Variants in DAAM1 observed in about 807,000 individuals in gnomAD.
DAAM1 encodes the protein dishevelled associated activator of morphogenesis 1, also known as disheveled-associated activator of morphogenesis 1.
DAAM1 carries 52 observed loss-of-function variants against 130.0 expected under a neutral mutation model. The observed-to-expected ratio is 0.40, with a 90% CI of 0.32 to 0.50. The LOEUF (loss-of-function observed/expected upper bound fraction) is 0.50, where lower values mean the gene tolerates loss of function less well. Among genes scored for constraint, DAAM1 ranks in the 20% least tolerant of loss-of-function variants. The pLI, the probability that DAAM1 is intolerant of heterozygous loss-of-function variation, is 0.61. For synonymous variants in DAAM1, 452 were observed against 444.5 expected, an observed-to-expected ratio of 1.02 and a Z score of -0.21; for missense variants, 1,134 against 1,303.8, an observed-to-expected ratio of 0.87 and a Z score of 2.01.
intron 1 of DAAM1, among the ~76,000 whole-genome samples, chr14:59,196,295 T>A (rs913145413): frequency 3.3e-5 from 5 of 152,196 alleles, no homozygotes; most frequent in Admixed American, 6.5e-5. Context: ...GATAGATTGT[T>A]CATATGTGCC....
chr14:59,214,185 A>G (rs753678709), intron 1 of DAAM1, among the ~76,000 whole-genome samples: 3 of 152,172 alleles, frequency 2.0e-5, no homozygotes, highest in Non-Finnish European at 2.9e-5. Flanking sequence ...GTGTCTGGTG[A>G]CAGTTTGCAA....
At position 59,368,593 on chromosome 14, in the gene DAAM1, C is replaced by T; in HGVS notation, c.2998-57C>T. ...TATTTCAAGGAATTGACCTCTACTG[C>T]AAACAAAATGCAACATTTTGACATG... is the stretch of plus-strand genomic sequence containing the variant. On this transcript the variant is annotated intron_variant, in intron 24 of 24. Transcript: ENST00000360909. The T allele has an allele frequency of 1.9e-6, 3 of 1,548,004 alleles. No individual in the cohort carries two copies. In the South Asian group the frequency reaches 3.6e-5, roughly 19 times the overall value.
chr14:59,360,653 GTCTT>G, intron 21 of DAAM1, 145 bp from the exon 22 acceptor site: 2 of 517,788 alleles, frequency 3.9e-6, no homozygotes, highest in South Asian at 5.0e-5. Flanking sequence ...AAATACTGTT[GTCTT>G]TCTTTGAGAT....
At chr14:59,308,915 C>T (rs927700060) in intron 3 of DAAM1, among the ~76,000 whole-genome samples, 1 of 152,038 alleles carries the variant, frequency 6.6e-6, no homozygotes, top group Non-Finnish European at 1.5e-5. Flanking sequence ...TGGGCCCAAC[C>T]GGATTTTGGT....
At chr14:59,193,784 G>A (rs1228165123) in intron 1 of DAAM1, among the ~76,000 whole-genome samples, 1 of 152,174 alleles carries the variant, frequency 6.6e-6, no homozygotes, top group Non-Finnish European at 1.5e-5. Flanking sequence ...CCCTCTGAGT[G>A]TCTGGATTAT....
chr14:59,288,860 A>AGAGAGAGAGAGAGAGAGAGG (rs1018804753), intron 2 of DAAM1, among the ~76,000 whole-genome samples: 1 of 144,002 alleles, frequency 6.9e-6, no homozygotes, highest in African/African-American at 2.5e-5. Flanking sequence ...AGAGAGAGAG[A>AGAGAGAGAGAGAGAGAGAGG]GCGCGCGAAG....
intron 16 of DAAM1, among the ~76,000 whole-genome samples, chr14:59,342,336 C>G (rs1430705155): frequency 6.6e-6 from 1 of 152,166 alleles, no homozygotes; most frequent in Non-Finnish European, 1.5e-5. Context: ...GTGCCCCGTC[C>G]TTTTGTGCTC....
At chr14:59,278,784 T>A (rs1883084147) in intron 2 of DAAM1, among the ~76,000 whole-genome samples, 1 of 152,208 alleles carries the variant, frequency 6.6e-6, no homozygotes, top group African/African-American at 2.4e-5. Flanking sequence ...GGAAGTGATC[T>A]TTGATTTCAA....
chr14:59,210,415 A>C (rs1165171336), intron 1 of DAAM1, among the ~76,000 whole-genome samples: 1 of 152,202 alleles, frequency 6.6e-6, no homozygotes, highest in Non-Finnish European at 1.5e-5. Context: ...TTATCTGTTT[A>C]AATCTCAATG....
At chr14:59,328,357 A>G (rs1885289195) in intron 12 of DAAM1, among the ~76,000 whole-genome samples, 1 of 152,258 alleles carries the variant, frequency 6.6e-6, no homozygotes, top group Admixed American at 6.5e-5. Context: ...AAATCAGGGT[A>G]AAGAGATTAA....
chr14:59,246,440 A>C (rs941682588), intron 1 of DAAM1, among the ~76,000 whole-genome samples: 1 of 152,006 alleles, frequency 6.6e-6, no homozygotes, highest in East Asian at 1.9e-4. Context: ...ACCACATTTT[A>C]TTTATTTATC....
chr14:59,315,588 A>G lies in DAAM1; in HGVS notation c.345+237A>G, dbSNP rs149644618. Among the ~76,000 whole-genome samples, 120 of 152,330 alleles carry G rather than the reference A, an allele frequency of 7.9e-4. 1 individual carries two copies. In the South Asian group the frequency reaches 0.013, roughly 17 times the overall value. On this transcript the variant is annotated intron_variant, in intron 4 of 24. Transcript: ENST00000360909. Reference sequence around the variant, plus strand: ...CACACACTGCAATATAATTGAGTTTAATGTTGTAAGTGAAAATGTAGTTTG... The same window carrying G: ...CACACACTGCAATATAATTGAGTTTGATGTTGTAAGTGAAAATGTAGTTTG...
At position 59,370,228 on chromosome 14, in the gene DAAM1, A is replaced by C. The variant is rs78026133; in HGVS notation, c.*1369A>C. ...AACGTTTTCTCTTTTCTTTCTATTG[A>C]TCCTGTTGTGGTTGGGTTTCCTGTG... On this transcript the variant is annotated 3_prime_UTR_variant, in exon 25 of 25. Transcript: ENST00000360909. 1 of 119,070 alleles carries C rather than the reference A, an allele frequency of 8.4e-6. No homozygotes were observed. Among genetic ancestry groups the C allele is most frequent in the Non-Finnish European group, 1.7e-5 (1 of 58,576 alleles). The allele number at this position is 119,070 out of a possible 1,614,324, so 7.4% of individuals were successfully genotyped here. A position where few individuals can be genotyped will look rare whatever the true frequency, so the allele number is the denominator to read the frequency against.
At position 59,340,100 on chromosome 14, in the gene DAAM1, T is replaced by G; in HGVS notation, c.1995T>G (p.Thr665=). ...QQKEADAIDD[T]LSSKLKVKEL... ...AAGAAGCAGATGCCATTGATGACAC[T>G]CTGAGTTCCAAACTTAAAGTTAAAG... is the stretch of plus-strand genomic sequence containing the variant. Residue 665 remains threonine, a synonymous_variant, in exon 16 of 25, where the codon ACT becomes ACG. Coordinates refer to ENST00000360909, the MANE Select transcript of DAAM1 (RefSeq NM_001270520.2). The G allele has an allele frequency of 6.2e-7, 1 of 1,613,710 alleles. No individual in the cohort carries two copies.
chr14:59,239,047 G>A (rs1225261957), intron 1 of DAAM1, among the ~76,000 whole-genome samples: 5 of 152,184 alleles, frequency 3.3e-5, no homozygotes, highest in Non-Finnish European at 7.3e-5. Flanking sequence ...TGCTCAGATA[G>A]TTACTCAGCT....
At chr14:59,341,486 C>G (rs969359146) in intron 16 of DAAM1, among the ~76,000 whole-genome samples, 2 of 152,194 alleles carry the variant, frequency 1.3e-5, no homozygotes, top group Admixed American at 1.3e-4. Flanking sequence ...AAACTGCATT[C>G]ACATAACTTT....
intron 1 of DAAM1, among the ~76,000 whole-genome samples, chr14:59,260,039 G>A (rs779626636): frequency 3.4e-4 from 51 of 151,718 alleles, no homozygotes; most frequent in Non-Finnish European, 6.5e-4. Context: ...GCAAGACTCC[G>A]TCTCAAAAAA....
intron 2 of DAAM1, chr14:59,265,897 T>C (rs1246384062): frequency 1.3e-5 from 2 of 152,246 alleles, no homozygotes; most frequent in East Asian, 1.9e-4. Context: ...CCACATTTCA[T>C]TGGCCAGTGC....
chr14:59,356,918 T>C (rs567920535), intron 20 of DAAM1, among the ~76,000 whole-genome samples: 2 of 152,378 alleles, frequency 1.3e-5, no homozygotes, highest in Admixed American at 6.5e-5. Context: ...CCACACCTTA[T>C]ACACCTGCAT....
Sources: allele counts gnomAD v4.1 joint callset (sites outside exome capture counted in the v4.1 genomes callset), GRCh38; gene constraint gnomAD v4.1.1; transcripts MANE v1.5; gene names NCBI Gene and HGNC (gene_info 2026-07-23, HGNC 2026-07-21).